BANK1: variants seen among roughly 807,000 people sequenced by gnomAD.
BANK1 encodes B-cell scaffold protein with ankyrin repeats.
BANK1 carries 95 observed loss-of-function variants against 94.5 expected under a neutral mutation model. The ratio of observed to expected loss-of-function variants is 1.00; its 90% CI spans 0.85 to 1.19. The LOEUF (loss-of-function observed/expected upper bound fraction) is 1.19. BANK1 is among the 50% of genes most tolerant of loss of function. BANK1 has a pLI of 0.00. For missense variants in BANK1, 987 were observed against 932.2 expected (o/e 1.06, Z -0.77); for synonymous variants, 334 against 308.4 (o/e 1.08, Z -0.87).
intron 2 of BANK1, among the ~76,000 whole-genome samples, chr4:101,853,707 C>T (rs966790745): frequency 3.3e-5 from 5 of 152,068 alleles, no homozygotes; most frequent in East Asian, 1.9e-4. Flanking sequence ...TTGGAAGTAA[C>T]GGACCAACTT....
At chr4:101,874,267 G>A (rs1446440924) in intron 5 of BANK1, among the ~76,000 whole-genome samples, 2 of 152,044 alleles carry the variant, frequency 1.3e-5, no homozygotes, top group Non-Finnish European at 2.9e-5. Context: ...GGAAAGGTAC[G>A]GACTTAGGGA....
chr4:101,940,619 C>T (rs1723709574), intron 7 of BANK1, among the ~76,000 whole-genome samples: 1 of 151,728 alleles, frequency 6.6e-6, no homozygotes, highest in African/African-American at 2.4e-5. Flanking sequence ...TGACTTAATA[C>T]AGTGTTAAGG....
At chr4:102,007,107 A>AT (rs1370160623) in intron 7 of BANK1, among the ~76,000 whole-genome samples, 3 of 58,636 alleles carry the variant, frequency 5.1e-5, no homozygotes, top group African/African-American at 1.7e-4. Flanking sequence ...ATTTATATAT[A>AT]TATAAATATA....
At chr4:101,979,554 G>A (rs1404070504) in intron 7 of BANK1, among the ~76,000 whole-genome samples, 1 of 151,708 alleles carries the variant, frequency 6.6e-6, no homozygotes, top group Non-Finnish European at 1.5e-5. Flanking sequence ...ATCATAAAGG[G>A]TTAATAAATT....
intron 11 of BANK1, among the ~76,000 whole-genome samples, chr4:102,044,342 C>G (rs1351488855): frequency 6.6e-6 from 1 of 152,188 alleles, no homozygotes; most frequent in African/African-American, 2.4e-5. Flanking sequence ...TCATCCATGT[C>G]CCTACAGAGG....
At chr4:101,904,505 A>C (rs535405180) in intron 6 of BANK1, among the ~76,000 whole-genome samples, 1 of 152,232 alleles carries the variant, frequency 6.6e-6, no homozygotes, top group Non-Finnish European at 1.5e-5. Context: ...TGGAGGCTTA[A>C]CAATGGCCTC....
chr4:102,073,783 C>G (rs376669125), intron 16 of BANK1, 35 bp downstream of exon 16: 17 of 1,531,430 alleles, frequency 1.1e-5, no homozygotes, highest in African/African-American at 2.8e-5. Context: ...TTTAGAAAAT[C>G]TAAAGCAGCC....
At chr4:102,061,424 G>C (rs566965063) in intron 12 of BANK1, 29 of 152,220 alleles carry the variant, frequency 1.9e-4, no homozygotes, top group Admixed American at 1.8e-3. Context: ...TTGTTATGTT[G>C]CCAAATAAAT....
intron 7 of BANK1, among the ~76,000 whole-genome samples, chr4:101,951,974 A>G (rs572994488): frequency 6.2e-4 from 94 of 152,214 alleles, no homozygotes; most frequent in African/African-American, 2.1e-3. Context: ...CTGTTTTACT[A>G]TATTTTCTTT....
intron 2 of BANK1, among the ~76,000 whole-genome samples, chr4:101,836,208 C>T (rs113265991): frequency 0.061 from 9,293 of 152,018 alleles, 688 homozygotes; most frequent in South Asian, 0.17. Flanking sequence ...ATGCCTGGCG[C>T]GGTGGCTCAC....
chr4:102,044,373 A>G (rs1056508035), intron 11 of BANK1, among the ~76,000 whole-genome samples: 1 of 152,204 alleles, frequency 6.6e-6, no homozygotes, highest in Non-Finnish European at 1.5e-5. Flanking sequence ...ATCATTTTTT[A>G]TGGCTGCATA....
At position 101,839,940 on chromosome 4, in the gene BANK1, T is replaced by TA. The variant is rs1560595848; in HGVS notation, c.469+9734_469+9735insA. ...ACTATATAATTTCAAATATTTAATT[T>TA]TTTTTTTTTTTTTTTTTTTTTTTTT... On this transcript the variant is annotated intron_variant, in intron 2 of 16. Transcript: ENST00000322953. 5.0e-3 allele frequency among the ~76,000 whole-genome samples: 58 copies of TA among 11,690 alleles called. 3 individuals carry two copies. The highest frequency in any genetic ancestry group is 0.012 in the African/African-American group (57 of 4,742). The allele number at this position is 11,690 out of a possible 152,430, so 7.7% of individuals were successfully genotyped here.
chr4:101,878,619 A>G (rs1299657411), intron 5 of BANK1, among the ~76,000 whole-genome samples: 1 of 152,220 alleles, frequency 6.6e-6, no homozygotes, highest in East Asian at 1.9e-4. Flanking sequence ...ATAAATATTT[A>G]CAGAATGTTT....
intron 7 of BANK1, among the ~76,000 whole-genome samples, chr4:101,923,792 T>C (rs1426496401): frequency 6.6e-6 from 1 of 151,776 alleles, no homozygotes; most frequent in Admixed American, 6.6e-5. Flanking sequence ...GAAAACCAAA[T>C]CTTGTTATTG....
intron 7 of BANK1, among the ~76,000 whole-genome samples, chr4:101,985,143 C>T (rs1725440991): frequency 6.6e-6 from 1 of 152,048 alleles, no homozygotes; most frequent in African/African-American, 2.4e-5. Flanking sequence ...GTCTGAGAAC[C>T]AGGAGAGCCA....
intron 6 of BANK1, among the ~76,000 whole-genome samples, chr4:101,908,654 T>C (rs1722550833): frequency 6.6e-6 from 1 of 152,010 alleles, no homozygotes; most frequent in Admixed American, 6.5e-5. Flanking sequence ...TGCAATCTAC[T>C]CATCTGACAA....
chr4:102,007,083 T>TATATAATTTTATATATATAA (rs1560681953), intron 7 of BANK1, among the ~76,000 whole-genome samples: 2 of 72,310 alleles, frequency 2.8e-5, no homozygotes, highest in African/African-American at 4.3e-5. Context: ...TATATATAAA[T>TATATAATTTTATATATATAA]ATATATATAA....
chr4:102,009,989 G>A (rs1726430887), intron 7 of BANK1, among the ~76,000 whole-genome samples: 2 of 152,274 alleles, frequency 1.3e-5, no homozygotes, highest in South Asian at 4.1e-4. Flanking sequence ...GTCTGTGGCT[G>A]GGTGCCGTGG....
At chr4:101,853,547 G>A (rs898832123) in intron 2 of BANK1, among the ~76,000 whole-genome samples, 1 of 152,138 alleles carries the variant, frequency 6.6e-6, no homozygotes, top group Admixed American at 6.5e-5. Context: ...CTCAGGAAAA[G>A]GGCATTAGAA....
Sources: allele counts gnomAD v4.1 joint callset (sites outside exome capture counted in the v4.1 genomes callset), GRCh38; gene constraint gnomAD v4.1.1; transcripts MANE v1.5; gene names NCBI Gene and HGNC (gene_info 2026-07-23, HGNC 2026-07-21).